The following SORL1 variants were observed in gnomAD, a reference collection of about 807,000 sequenced individuals.
SORL1 encodes sortilin related receptor 1.
A neutral mutation model predicts 273.7 loss-of-function variants in SORL1; 127 were observed. The ratio of observed to expected loss-of-function variants is 0.46; its 90% CI spans 0.40 to 0.54. SORL1 has a LOEUF of 0.54. SORL1 is among the 20% of genes least tolerant of loss of function. SORL1 has a pLI of 0.00. For missense variants in SORL1, 2,494 were observed against 2,846.1 expected (o/e 0.88, Z 2.81); for synonymous variants, 1,031 against 1,067.4 (o/e 0.97, Z 0.66).
intron 11 of SORL1, among the ~76,000 whole-genome samples, chr11:121,523,875 T>G (rs1862080490): frequency 6.6e-6 from 1 of 152,160 alleles, no homozygotes; most frequent in Non-Finnish European, 1.5e-5. Context: ...ACGTGGTGCT[T>G]TACTGGGAAT....
At chr11:121,458,171 T>A (rs1860937452) in intron 1 of SORL1, among the ~76,000 whole-genome samples, 1 of 152,218 alleles carries the variant, frequency 6.6e-6, no homozygotes, top group Non-Finnish European at 1.5e-5. Flanking sequence ...GTCTTTTTTT[T>A]AAAGCATTCG....
chr11:121,543,931 T>C (rs1862385691), intron 13 of SORL1, among the ~76,000 whole-genome samples: 1 of 152,208 alleles, frequency 6.6e-6, no homozygotes, highest in Admixed American at 6.5e-5. Flanking sequence ...ATTCTTTGTA[T>C]CTTAGTTTCC....
At chr11:121,567,323 C>T (rs1032102478) in intron 22 of SORL1, among the ~76,000 whole-genome samples, 1 of 152,236 alleles carries the variant, frequency 6.6e-6, no homozygotes, top group Non-Finnish European at 1.5e-5. Flanking sequence ...AGTCCTCACT[C>T]AGAACAGGCC....
chr11:121,574,481 C>T, intron 24 of SORL1, 118 bp downstream of exon 24: 1 of 907,880 alleles, frequency 1.1e-6, no homozygotes, highest in South Asian at 1.7e-5. Context: ...TTATGATATT[C>T]TAGCTGAATG....
intron 11 of SORL1, among the ~76,000 whole-genome samples, chr11:121,526,164 T>C (rs1862121008): frequency 6.6e-6 from 1 of 152,230 alleles, no homozygotes; most frequent in Non-Finnish European, 1.5e-5. Flanking sequence ...ACTCATTTTT[T>C]CCATATGGAG....
At chr11:121,469,787 T>A (rs1861142137) in intron 1 of SORL1, among the ~76,000 whole-genome samples, 1 of 152,188 alleles carries the variant, frequency 6.6e-6, no homozygotes, top group Admixed American at 6.5e-5. Flanking sequence ...TTCTACAATC[T>A]CTTTACATCC....
chr11:121,513,025 A>C lies in SORL1; in HGVS notation c.962A>C (p.Gln321Pro). ...KVVHLLGSEQ[Q>P]SSVQLWVSFG... ...CAGCATCTCTTGGGCAGTGAACAGC[A>C]GTCTTCTGTCCAGCTCTGGGTCTCC... The change falls in exon 7 of 48, where the codon CAG (glutamine) becomes CCG (proline). Residue 321 changes from glutamine to proline, a missense_variant. Around this residue, in one of 3 missense-constraint regions of SORL1, gnomAD observed 710 missense variants for 882.5 expected, o/e 0.80. Coordinates refer to ENST00000260197, the MANE Select transcript of SORL1 (RefSeq NM_003105.6). The C allele has an allele frequency of 6.2e-7, 1 of 1,614,098 alleles. No homozygotes were observed. Among genetic ancestry groups the C allele is most frequent in the Non-Finnish European group, 8.5e-7 (1 of 1,179,962 alleles).
rs185661548 is a variant in SORL1, at chr11:121,595,349, C to G, written c.4370-274C>G. On this transcript the variant is annotated intron_variant, in intron 31 of 47. Transcript: ENST00000260197. The surrounding 1 kb of genome is among the most constrained non-coding windows in gnomAD (Gnocchi z 5.1). The stretch of plus-strand genomic sequence containing the variant: ...GGCCTCTTTAGTCACATACCGCTAT[C>G]TGTCTTCTTTCCAGCTCCCAAATCT... Among the ~76,000 whole-genome samples, 16 of 152,314 alleles carry G rather than the reference C, an allele frequency of 1.1e-4. No homozygotes were observed. The highest frequency in any genetic ancestry group is 3.1e-4 in the African/African-American group (13 of 41,584).
At chr11:121,509,598 T>TGTAATA (rs1300804965) in intron 6 of SORL1, among the ~76,000 whole-genome samples, 4 of 152,156 alleles carry the variant, frequency 2.6e-5, no homozygotes, top group African/African-American at 9.7e-5. Flanking sequence ...TGTCTCAGCC[T>TGTAATA]CCCGAGTAGC....
At chr11:121,547,417 C>CAAAAAAAAAAAAAAAAAAAAA (rs67390938) in intron 14 of SORL1, among the ~76,000 whole-genome samples, 2 of 24,034 alleles carry the variant, frequency 8.3e-5, no homozygotes, top group African/African-American at 2.4e-4. Flanking sequence ...CAACCCTCAC[C>CAAAAAAAAAAAAAAAAAAAAA]AAAAAAAAAA....
At chr11:121,531,638 C>T (rs1382363982) in intron 11 of SORL1, among the ~76,000 whole-genome samples, 2 of 152,182 alleles carry the variant, frequency 1.3e-5, no homozygotes, top group African/African-American at 2.4e-5. Context: ...TGAGTTCTGT[C>T]TTGCTTTCTG....
chr11:121,586,206 T>C lies in SORL1; in HGVS notation c.3707-16T>C, dbSNP rs747091024. ...TCCTCCTCGTCATTCTTCTGTGTTG[T>C]TGAATTCTATTTCAGAGAAGAAGTG... On this transcript the variant is annotated splice_polypyrimidine_tract_variant and intron_variant, in intron 26 of 47. Coordinates refer to ENST00000260197, the MANE Select transcript of SORL1 (RefSeq NM_003105.6). The C allele has an allele frequency of 1.4e-5, 23 of 1,590,636 alleles. No individual in the cohort carries two copies. The highest frequency in any genetic ancestry group is 1.7e-4 in the Middle Eastern group (1 of 5,780).
Position 121,595,606 on chromosome 11 carries a change from A to C in SORL1, c.4370-17A>C. The C allele has an allele frequency of 6.4e-7, 1 of 1,552,216 alleles. No homozygotes were observed. The highest frequency in any genetic ancestry group is 8.7e-7 in the Non-Finnish European group (1 of 1,148,244). ...CCTCAATATTAAAAAGTAAATTTTA[A>C]AAATCTTTTATTTTAGCAAACGTCA... On this transcript the variant is annotated splice_polypyrimidine_tract_variant and intron_variant, in intron 31 of 47. Transcript: ENST00000260197. The surrounding 1 kb of genome is among the most constrained non-coding windows in gnomAD (Gnocchi z 5.1).
chr11:121,603,561 A>G (rs1475591899), intron 32 of SORL1, among the ~76,000 whole-genome samples: 2 of 152,264 alleles, frequency 1.3e-5, no homozygotes, highest in Non-Finnish European at 1.5e-5. Context: ...ATACAGTTGC[A>G]TAACCCTTAA....
At chr11:121,584,390 T>C (rs1230320037) in intron 26 of SORL1, among the ~76,000 whole-genome samples, 2 of 152,248 alleles carry the variant, frequency 1.3e-5, no homozygotes, top group Non-Finnish European at 2.9e-5. Context: ...AAAATACTTT[T>C]TCTACCTAGT....
Position 121,563,422 on chromosome 11 carries a change from G to A in SORL1, c.3050-3518G>A, listed in dbSNP as rs1045457077. Among the ~76,000 whole-genome samples the A allele has an allele frequency of 6.6e-6, 1 of 152,168 alleles. No individual in the cohort carries two copies. The highest frequency in any genetic ancestry group is 1.5e-5 in the Non-Finnish European group (1 of 68,032). On this transcript the variant is annotated intron_variant, in intron 21 of 47. Coordinates refer to ENST00000260197, the MANE Select transcript of SORL1 (RefSeq NM_003105.6). The surrounding 1 kb of genome is among the most constrained non-coding windows in gnomAD (Gnocchi z 4.2). Reference sequence around the variant, plus strand: ...ATTTGTTTAGTTTTTTGGAGACAGAGTCTCGTTCTGTTACCCCGGCTGGAG... The same window carrying A: ...ATTTGTTTAGTTTTTTGGAGACAGAATCTCGTTCTGTTACCCCGGCTGGAG...
chr11:121,631,363 C>T lies in SORL1; in HGVS notation c.*1800C>T. 8.8e-6 allele frequency: 1 copy of T among 114,040 alleles called. No individual in the cohort carries two copies. The highest frequency in any genetic ancestry group is 2.1e-5 in the Non-Finnish European group (1 of 47,604). 7.1% of individuals were successfully genotyped at this position (114,040 alleles called of 1,614,324 possible). On this transcript the variant is annotated 3_prime_UTR_variant, in exon 48 of 48. Transcript: ENST00000260197. ...ATTTTCTCTTCTTTCCTGTCACTTT[C>T]CTAAGTTTTTTTTTTTAAAGACTGG...
chr11:121,487,054 C>T (rs1235377525), intron 3 of SORL1, among the ~76,000 whole-genome samples: 1 of 152,212 alleles, frequency 6.6e-6, no homozygotes, highest in East Asian at 1.9e-4. Flanking sequence ...TATTCTTTCC[C>T]TGTGGGAGTC....
At chr11:121,476,372 C>G (rs932170473) in intron 2 of SORL1, among the ~76,000 whole-genome samples, 1 of 152,210 alleles carries the variant, frequency 6.6e-6, no homozygotes, top group Non-Finnish European at 1.5e-5. Flanking sequence ...GTTCCAATAG[C>G]TTCTTCAACT....
Sources: allele counts gnomAD v4.1 joint callset (sites outside exome capture counted in the v4.1 genomes callset), GRCh38; gene constraint gnomAD v4.1.1; regional missense constraint gnomAD v4.1.1; non-coding constraint Gnocchi (gnomAD v3.1); transcripts MANE v1.5; gene names NCBI Gene and HGNC (gene_info 2026-07-23, HGNC 2026-07-21).